Variants in MUTYH observed in about 807,000 individuals in gnomAD.
MUTYH encodes the protein mutY DNA glycosylase.
In MUTYH, 64 loss-of-function variants were observed where a neutral mutation model predicts 72.9. That is an observed-to-expected ratio of 0.88 (90% CI 0.72 to 1.08). MUTYH has a LOEUF of 1.08. MUTYH is among the 50% of genes least tolerant of loss of function. MUTYH has a pLI of 0.00. For missense variants in MUTYH, 633 were observed against 671.0 expected (o/e 0.94, Z 0.63); for synonymous variants, 234 against 263.1 (o/e 0.89, Z 1.07).
At chr1:45,339,878 A>T (rs772606790) in intron 1 of MUTYH, 21 bp downstream of exon 1, 1 of 1,381,906 alleles carries the variant, frequency 7.2e-7, no homozygotes, top group Admixed American at 2.1e-5. Context: ...GCCCAAACCC[A>T]GCCACCCCAC....
rs576152721 is a variant in MUTYH, at chr1:45,332,902, C to G, written c.420+16G>C. The G allele has an allele frequency of 6.2e-7, 1 of 1,614,042 alleles. No homozygotes were observed. On this transcript the variant is annotated intron_variant, in intron 6 of 15. Transcript: ENST00000456914. ...CTCTATTGTTCCTATTTCCCCTACC[C>G]TAGGGTGGCTCTCACCTCCAGGGAA...
rs1645310232 is a variant in MUTYH at position 45,333,287 on chromosome 1, G to A, written c.302C>T (p.Ala101Val). ...DEMDLDRRAY[A>V]VWVSEVMLQQ... ...CTGCTCTCAGGAGATGTACTGACCA[G>A]CATATGCCCGCCTGTCCAGGTCCAT... Residue 101 changes from alanine to valine, a missense_variant and splice_region_variant, in exon 4 of 16, where the codon GCT (alanine) becomes GTT (valine). Physicochemically the swap from Ala to Val is moderately conservative, Grantham distance 64. Coordinates refer to ENST00000456914, the MANE Select transcript of MUTYH (RefSeq NM_001048174.2). 1 of 1,614,212 alleles carries A rather than the reference G, an allele frequency of 6.2e-7. No individual in the cohort carries two copies. The highest frequency in any genetic ancestry group is 8.5e-7 in the Non-Finnish European group (1 of 1,180,042).
chr1:45,334,297 G>T (rs1386774294), intron 2 of MUTYH, 94 bp downstream of exon 2: 1 of 1,582,658 alleles, frequency 6.3e-7, no homozygotes, highest in African/African-American at 1.3e-5. Context: ...CCCTTAGTAA[G>T]TCTCTTAATG....
intron 14 of MUTYH, 94 bp downstream of exon 14, chr1:45,331,088 A>C: frequency 1.3e-6 from 2 of 1,562,694 alleles, no homozygotes; most frequent in South Asian, 2.2e-5. Context: ...CCGTCTCAAA[A>C]AAAAATGCTT....
chr1:45,340,419 G>A (rs916470183), upstream of MUTYH: 137 of 1,531,028 alleles, frequency 8.9e-5, no homozygotes, highest in Non-Finnish European at 1.4e-5. Context: ...CCTTCCGCCT[G>A]AACTAGCCAC....
chr1:45,329,611 A>G (rs943435527), intron 15 of MUTYH, among the ~76,000 whole-genome samples, 174 bp from the exon 16 acceptor site: 8 of 152,128 alleles, frequency 5.3e-5, no homozygotes, highest in African/African-American at 1.9e-4. Flanking sequence ...ACCCTCCAAA[A>G]GGCTGCCTGA....
Position 45,334,644 on chromosome 1 carries a change from T to C in MUTYH, c.-6-133A>G. 7 of 1,332,680 alleles carry C rather than the reference T, an allele frequency of 5.3e-6. No individual in the cohort carries two copies. In the Admixed American group the frequency reaches 1.1e-4, roughly 21 times the overall value. The allele number at this position is 1,332,680 out of a possible 1,614,324, so 82.6% of individuals were successfully genotyped here. A position where few individuals can be genotyped will look rare whatever the true frequency, so the allele number is the denominator to read the frequency against. On this transcript the variant is annotated intron_variant, in intron 1 of 15. Coordinates refer to ENST00000456914, the MANE Select transcript of MUTYH (RefSeq NM_001048174.2). The stretch of plus-strand genomic sequence containing the variant: ...CAGCTTCTCTCAAGCACTCTCAAGA[T>C]GCTCACGGGTTTACTCTTGGCTGGC...
chr1:45,333,085 C>G lies in MUTYH; in HGVS notation c.378+12G>C, dbSNP rs1356283984. On this transcript the variant is annotated intron_variant, in intron 5 of 15. Transcript: ENST00000456914. ...CTGACCCATGACCCTTCCCTTCCTC[C>G]CCTGGAGTCACCTGCATCCATCCGG... 6.2e-7 allele frequency: 1 copy of G among 1,614,174 alleles called. No homozygotes were observed. The highest frequency in any genetic ancestry group is 1.3e-5 in the African/African-American group (1 of 75,048).
chr1:45,329,491 AATCCTCTCCTT>A, intron 15 of MUTYH, 54 bp from the exon 16 acceptor site: 1 of 1,604,710 alleles, frequency 6.2e-7, no homozygotes, highest in Non-Finnish European at 8.5e-7. Context: ...GGGAGCAGAG[AATCCTCTCCTT>A]GTCCTCTCTC....
Position 45,332,234 on chromosome 1 carries a change from C to G in MUTYH, c.781G>C (p.Val261Leu). ...CACAGTGGGCGCTGTGGGGTACACA[C>G]TGTGGCCCCTAGCTCCATGGCTGCT... ...NQAAMELGATVCTPQRPLCSQ... is the reference protein window; with the variant it reads ...NQAAMELGATLCTPQRPLCSQ... The change falls in exon 10 of 16, where the codon GTG (valine) becomes CTG (leucine). Residue 261 changes from valine (V) to leucine (L), a missense_variant. Coordinates refer to ENST00000456914, the MANE Select transcript of MUTYH (RefSeq NM_001048174.2). The G allele has an allele frequency of 6.2e-7, 1 of 1,614,182 alleles. No individual in the cohort carries two copies. Among genetic ancestry groups the G allele is most frequent in the Non-Finnish European group, 8.5e-7 (1 of 1,179,998 alleles).
chr1:45,333,636 G>C, intron 2 of MUTYH, 75 bp from the exon 3 acceptor site: 1 of 1,579,822 alleles, frequency 6.3e-7, no homozygotes, highest in African/African-American at 1.3e-5. Flanking sequence ...ACAGCAGCCT[G>C]TGGCAGTATG....
At chr1:45,331,997 G>A (rs758572346) in intron 11 of MUTYH, 26 bp downstream of exon 11, 37 of 1,614,064 alleles carry the variant, frequency 2.3e-5, no homozygotes, top group Non-Finnish European at 3.1e-5. Flanking sequence ...GGAAGGGTTG[G>A]GGTGGGGGCT....
At chr1:45,331,036 G>A in intron 14 of MUTYH, 146 bp downstream of exon 14, 1 of 1,098,112 alleles carries the variant, frequency 9.1e-7, no homozygotes, top group African/African-American at 1.5e-5. Flanking sequence ...AGTCAACCGA[G>A]ATAGCGCCAT....
chr1:45,330,601 A>C (rs1169454202), intron 14 of MUTYH, 44 bp from the exon 15 acceptor site: 22 of 1,580,400 alleles, frequency 1.4e-5, no homozygotes, highest in Non-Finnish European at 1.8e-5. Context: ...CTTTTTGCAA[A>C]AGAGATAAAC....
At chr1:45,340,038 C>T, upstream of MUTYH, 1 of 1,540,674 alleles carries the variant, frequency 6.5e-7, no homozygotes, top group Non-Finnish European at 8.8e-7. Flanking sequence ...CTCGGGTCCA[C>T]CCGGGCTGCG....
chr1:45,338,124 A>C (rs1424928803), intron 1 of MUTYH: 7 of 503,478 alleles, frequency 1.4e-5, no homozygotes, highest in South Asian at 4.6e-5. Flanking sequence ...GATGGGACTG[A>C]GTGGTAGAAG....
At position 45,331,685 on chromosome 1, in the gene MUTYH, G is replaced by C. The variant is rs1249171431; in HGVS notation, c.1078C>G (p.Leu360Val). 1.2e-6 allele frequency: 2 copies of C among 1,613,952 alleles called. No homozygotes were observed. The highest frequency in any genetic ancestry group is 1.7e-6 in the Non-Finnish European group (2 of 1,180,046). The change falls in exon 12 of 16, where the codon CTG becomes GTG. Residue 360 changes from leucine to valine, a missense_variant. Transcript: ENST00000456914. Reference protein sequence around the residue: ...EQPGALGAQILLVQRPNSGLL... With the variant: ...EQPGALGAQIVLVQRPNSGLL... ...CCTGAGTTGGGCCTCTGCACCAGCA[G>C]AATTTGGGCCCCAAGGGCCCCAGGC... is the stretch of plus-strand genomic sequence containing the variant.
intron 15 of MUTYH, 46 bp from the exon 16 acceptor site, chr1:45,329,483 G>A (rs1194065901): frequency 1.9e-6 from 3 of 1,610,016 alleles, no homozygotes; most frequent in African/African-American, 2.7e-5. Context: ...GGGGGAGGGG[G>A]AGCAGAGAAT....
chr1:45,337,828 T>G (rs773202625), intron 1 of MUTYH, among the ~76,000 whole-genome samples: 12 of 152,108 alleles, frequency 7.9e-5, no homozygotes, highest in Non-Finnish European at 1.8e-4. Context: ...AAATAAAACA[T>G]CAAAAGTTCC....
Sources: allele counts gnomAD v4.1 joint callset (sites outside exome capture counted in the v4.1 genomes callset), GRCh38; gene constraint gnomAD v4.1.1; transcripts MANE v1.5; gene names NCBI Gene and HGNC (gene_info 2026-07-23, HGNC 2026-07-21).